Variants in CPLX2 observed in about 807,000 individuals in gnomAD.
CPLX2 encodes the protein complexin-2.
Under a neutral mutation model 16.3 loss-of-function variants are expected in CPLX2, and 5 were observed. That is an observed-to-expected ratio of 0.31 (90% CI 0.16 to 0.64). The LOEUF (loss-of-function observed/expected upper bound fraction) is 0.64, where lower values mean the gene tolerates loss of function less well. Among genes scored for constraint, CPLX2 ranks in the 30% least tolerant of loss-of-function variants. The pLI, the probability that CPLX2 is intolerant of heterozygous loss-of-function variation, is 0.79. For synonymous variants in CPLX2, 89 were observed against 73.2 expected, an observed-to-expected ratio of 1.22 and a Z score of -1.10; for missense variants, 144 against 181.4, an observed-to-expected ratio of 0.79 and a Z score of 1.18.
intron 1 of CPLX2, among the ~76,000 whole-genome samples, chr5:175,800,627 A>T (rs1758075419): frequency 1.3e-5 from 2 of 152,206 alleles, no homozygotes; most frequent in Non-Finnish European, 2.9e-5. Context: ...GCAGTATATT[A>T]CCTGGGCCTA....
chr5:175,797,224 C>T (rs1758002398), intron 1 of CPLX2, among the ~76,000 whole-genome samples: 1 of 152,146 alleles, frequency 6.6e-6, no homozygotes, highest in African/African-American at 2.4e-5. Context: ...GCCCCCAGCG[C>T]GCCTAGGGGT....
chr5:175,851,839 C>A (rs1161166652), intron 2 of CPLX2, among the ~76,000 whole-genome samples: 1 of 152,202 alleles, frequency 6.6e-6, no homozygotes, highest in Admixed American at 6.5e-5. Context: ...TTGGTCCTGG[C>A]TTGAGTGTGA....
intron 2 of CPLX2, among the ~76,000 whole-genome samples, chr5:175,818,009 C>G (rs1390629815): frequency 6.6e-6 from 1 of 152,222 alleles, no homozygotes; most frequent in African/African-American, 2.4e-5. Flanking sequence ...TGCAAGCACT[C>G]CCTGTTTCTC....
intron 2 of CPLX2, among the ~76,000 whole-genome samples, chr5:175,814,544 G>A (rs1758370613): frequency 6.6e-6 from 1 of 152,238 alleles, no homozygotes; most frequent in African/African-American, 2.4e-5. Context: ...GTGTCAGCCT[G>A]GTGTTCAAGG....
intron 2 of CPLX2, among the ~76,000 whole-genome samples, chr5:175,843,950 G>C (rs1758995768): frequency 6.6e-6 from 1 of 152,246 alleles, no homozygotes; most frequent in South Asian, 2.1e-4. Flanking sequence ...CCTACACAGT[G>C]TTCTCTGATT....
intron 2 of CPLX2, among the ~76,000 whole-genome samples, chr5:175,829,659 G>T (rs1265174713): frequency 6.6e-6 from 1 of 152,174 alleles, no homozygotes; most frequent in Non-Finnish European, 1.5e-5. Flanking sequence ...GCCACACAGA[G>T]TCACAAAGCA....
rs181558370 is a variant in CPLX2 at position 175,800,380 on chromosome 5, A to G, written c.-169+3596A>G. ...AAGGGAAGTCAGCCATTAAAAGCCA[A>G]TAAGAGCCAATAAAAGTCCCCTTGA... On this transcript the variant is annotated intron_variant, in intron 1 of 4. Coordinates refer to the CPLX2 transcript ENST00000359546. Among the ~76,000 whole-genome samples, 496 of 152,200 alleles carry G rather than the reference A, an allele frequency of 3.3e-3. 2 individuals are homozygous for G. Among genetic ancestry groups the G allele is most frequent in the African/African-American group, 0.01 (429 of 41,540 alleles).
intron 1 of CPLX2, among the ~76,000 whole-genome samples, chr5:175,799,539 CATATATATATATATAT>C (rs70988299): frequency 0.012 from 879 of 72,262 alleles, 24 homozygotes; most frequent in Non-Finnish European, 0.018. Context: ...TTGCAAATTT[CATATATATATATATAT>C]ATATATATAT....
In CPLX2 at chr5:175,809,900, CAG is replaced by C. The variant is rs775605372; in HGVS notation, c.-89+839_-89+840del. Among the ~76,000 whole-genome samples the C allele has an allele frequency of 6.6e-6, 1 of 152,226 alleles. No homozygotes were observed. The highest frequency in any genetic ancestry group is 1.5e-5 in the Non-Finnish European group (1 of 68,050). On this transcript the variant is annotated intron_variant, in intron 2 of 4. Transcript: ENST00000359546. This position sits in a 1 kb window ranked among gnomAD's most constrained non-coding sequence, Gnocchi z 4.4. Reference sequence around the variant, plus strand: ...GCATACAGTGAGCCACATATTTGCACAGAGAGAGTGTATGTGGATATAGAGAT... The same window carrying C: ...GCATACAGTGAGCCACATATTTGCACAGAGAGTGTATGTGGATATAGAGAT...
chr5:175,822,965 C>T (rs537269681), intron 2 of CPLX2, among the ~76,000 whole-genome samples: 4 of 152,234 alleles, frequency 2.6e-5, no homozygotes, highest in Non-Finnish European at 5.9e-5. Context: ...ACGAATCAAG[C>T]TCCTTGAGCA....
At chr5:175,823,135 C>T (rs148902011) in intron 2 of CPLX2, among the ~76,000 whole-genome samples, 13 of 152,346 alleles carry the variant, frequency 8.5e-5, no homozygotes, top group Non-Finnish European at 1.6e-4. Flanking sequence ...TCATATTTTT[C>T]GTGTTTATTA....
intron 2 of CPLX2, among the ~76,000 whole-genome samples, chr5:175,839,083 G>A (rs1234290244): frequency 1.3e-5 from 2 of 152,068 alleles, no homozygotes; most frequent in Non-Finnish European, 2.9e-5. Flanking sequence ...TGTTTTTAGA[G>A]ACAAGAGTCA....
At chr5:175,826,016 G>A (rs910377600) in intron 2 of CPLX2, among the ~76,000 whole-genome samples, 3 of 149,986 alleles carry the variant, frequency 2.0e-5, no homozygotes, top group Non-Finnish European at 3.0e-5. Context: ...TCAGCAGATC[G>A]GATGCTTGTG....
At chr5:175,875,032 C>T (rs771112803) in intron 1 of CPLX2, among the ~76,000 whole-genome samples, 4 of 152,064 alleles carry the variant, frequency 2.6e-5, no homozygotes, top group Non-Finnish European at 4.4e-5. Flanking sequence ...GGATGACGGC[C>T]GTGAAGACCC....
intron 1 of CPLX2, among the ~76,000 whole-genome samples, chr5:175,800,010 G>A (rs1758064051): frequency 6.6e-6 from 1 of 152,078 alleles, no homozygotes; most frequent in Non-Finnish European, 1.5e-5. Flanking sequence ...ATGCATATGA[G>A]GCCTTCCTTT....
chr5:175,869,640 G>T (rs1365571312), upstream of CPLX2, among the ~76,000 whole-genome samples: 1 of 152,196 alleles, frequency 6.6e-6, no homozygotes, highest in African/African-American at 2.4e-5. Context: ...AGCAGGAATT[G>T]CCAGCCCTTA....
rs571354299 is a variant in CPLX2, at chr5:175,871,652, C to T, written c.-142C>T. 6.6e-6 allele frequency: 1 copy of T among 152,286 alleles called. No individual in the cohort carries two copies. The highest frequency in any genetic ancestry group is 6.5e-5 in the Admixed American group (1 of 15,308). The allele number at this position is 152,286 out of a possible 1,614,324, so 9.4% of individuals were successfully genotyped here. On this transcript the variant is annotated 5_prime_UTR_variant, in exon 1 of 4. Transcript: ENST00000393745. ...GCTGGAATAGCAGAAGGAACCACCT[C>T]GTGGAGTCGGGCCGGAGCCCTGCAG...
At chr5:175,861,520 C>A (rs938328662) in intron 2 of CPLX2, 1 of 152,158 alleles carries the variant, frequency 6.6e-6, no homozygotes, top group Non-Finnish European at 1.5e-5. Context: ...AGCAGGGTGA[C>A]GCTTCACCGC....
Position 175,872,996 on chromosome 5 carries a change from G to GC in CPLX2, c.-89+1294dup, listed in dbSNP as rs1759669195. On this transcript the variant is annotated intron_variant, in intron 1 of 3. Transcript: ENST00000393745. The surrounding 1 kb of genome is among the most constrained non-coding windows in gnomAD (Gnocchi z 5.0). ...GAGAGGGGAAGGAAGCTGAAGGCGC[G>GC]CCCTGGGTCCCCGGCGCACTGAAGG... 3.3e-5 allele frequency: 5 copies of GC among 151,962 alleles called. No homozygotes were observed. Among genetic ancestry groups the GC allele is most frequent in the Admixed American group, 2.0e-4 (3 of 15,266 alleles). The allele number at this position is 151,962 out of a possible 1,614,324, so 9.4% of individuals were successfully genotyped here. A position where few individuals can be genotyped will look rare whatever the true frequency, so the allele number is the denominator to read the frequency against.
Sources: allele counts gnomAD v4.1 joint callset (sites outside exome capture counted in the v4.1 genomes callset), GRCh38; gene constraint gnomAD v4.1.1; non-coding constraint Gnocchi (gnomAD v3.1); transcripts MANE v1.5; gene names NCBI Gene and HGNC (gene_info 2026-07-23, HGNC 2026-07-21).